COL6A5: variants seen among roughly 807,000 people sequenced by gnomAD.
COL6A5 encodes collagen alpha-5(VI) chain.
A neutral mutation model predicts 65.6 loss-of-function variants in COL6A5; 48 were observed. The observed-to-expected ratio is 0.73, with a 90% confidence interval of 0.58 to 0.93. The LOEUF is 0.93. Among genes scored for constraint, COL6A5 ranks in the 40% least tolerant of loss-of-function variants. COL6A5 has a pLI of 0.00. For synonymous variants in COL6A5, 291 were observed against 322.8 expected (o/e 0.90, Z 1.05); for missense variants, 914 against 928.3 (o/e 0.98, Z 0.20).
chr3:130,427,523 A>G (rs1276386919), upstream of COL6A5, among the ~76,000 whole-genome samples: 1 of 152,088 alleles, frequency 6.6e-6, no homozygotes, highest in Non-Finnish European at 1.5e-5. Context: ...AAGGGAAATC[A>G]ATTGGTTGGA....
chr3:130,391,529 A>G (rs1464798294), exon 7 of COL6A5: 2 of 1,551,602 alleles, frequency 1.3e-6, no homozygotes, highest in Non-Finnish European at 1.7e-6. Flanking sequence ...GCTGATTGTC[A>G]TCACCGATGG....
chr3:130,404,337 C>T (rs1037010379), intron 13 of COL6A5, among the ~76,000 whole-genome samples: 4 of 152,196 alleles, frequency 2.6e-5, no homozygotes, highest in African/African-American at 9.7e-5. Context: ...GGATTTCTAT[C>T]ACCTTAGATC....
In COL6A5 at chr3:130,405,583, C is replaced by T; in HGVS notation, c.4282-5C>T. On this transcript the variant is annotated splice_polypyrimidine_tract_variant and splice_region_variant and intron_variant and NMD_transcript_variant, in intron 13 of 41. Coordinates refer to the COL6A5 transcript ENST00000312481. The stretch of plus-strand genomic sequence containing the variant: ...TTGGGTACCTGTCTGTGCTCCTTTT[C>T]TTAGGGAGTACGAGGAGACACAGGA... 6.5e-7 allele frequency: 1 copy of T among 1,549,988 alleles called. No homozygotes were observed.
intron 6 of COL6A5, 109 bp from the exon 39 acceptor site, chr3:130,470,762 A>T: frequency 1.4e-6 from 1 of 738,146 alleles, no homozygotes. Context: ...TCCGTTATAA[A>T]AGTTGTTCTT....
At chr3:130,391,781 TG>T (rs1197382282) in intron 7 of COL6A5, 27 bp downstream of exon 7, 3 of 1,486,290 alleles carry the variant, frequency 2.0e-6, no homozygotes, top group African/African-American at 2.8e-5. Context: ...AAAGTTTCTA[TG>T]GGGGTAGCAA....
intron 1 of COL6A5, among the ~76,000 whole-genome samples, chr3:130,365,495 T>G (rs1313333101): frequency 6.6e-6 from 1 of 152,192 alleles, no homozygotes. Flanking sequence ...GCCGGGATGG[T>G]CTCGATCTCC....
chr3:130,456,529 C>T (rs1056340698), intron 5 of COL6A5, among the ~76,000 whole-genome samples: 8 of 151,998 alleles, frequency 5.3e-5, no homozygotes, highest in African/African-American at 1.7e-4. Context: ...CCCCGTTCTC[C>T]ATGATGTGAT....
At chr3:130,406,002 G>C in exon 15 of COL6A5, 1 of 1,551,440 alleles carries the variant, frequency 6.4e-7, no homozygotes. Context: ...GGGACTCAAA[G>C]GATTTTCTGG....
At chr3:130,371,290 C>A (rs945436436) in intron 1 of COL6A5, among the ~76,000 whole-genome samples, 18 of 151,742 alleles carry the variant, frequency 1.2e-4, no homozygotes, top group Admixed American at 6.6e-5. Context: ...AATCCAGATG[C>A]CTTTTCTTTT....
At chr3:130,484,232 G>A (rs1280967925) in exon 8 of COL6A5, 5 of 581,646 alleles carry the variant, frequency 8.6e-6, no homozygotes, top group Middle Eastern at 3.3e-4. Flanking sequence ...AAGAATTTTC[G>A]GAGTGAAGAC....
chr3:130,403,523 A>G, intron 12 of COL6A5, 86 bp from the exon 13 acceptor site: 1 of 1,142,196 alleles, frequency 8.8e-7, no homozygotes, highest in Admixed American at 2.2e-5. Context: ...GGAGGAAGGG[A>G]CTTGCTTAGA....
chr3:130,437,197 G>A (rs986332950), intron 1 of COL6A5, among the ~76,000 whole-genome samples: 1 of 151,956 alleles, frequency 6.6e-6, no homozygotes, highest in Non-Finnish European at 1.5e-5. Context: ...GTATACAAAA[G>A]TGCATATATG....
intron 8 of COL6A5, among the ~76,000 whole-genome samples, chr3:130,396,873 A>AT (rs960070778): frequency 2.6e-5 from 4 of 152,002 alleles, no homozygotes; most frequent in African/African-American, 9.7e-5. Flanking sequence ...TTTGTTTTTT[A>AT]TTTTTTTGAG....
chr3:130,394,920 TCC>T, exon 8 of COL6A5: 1 of 1,551,308 alleles, frequency 6.4e-7, no homozygotes, highest in Non-Finnish European at 8.7e-7. Context: ...GACGTGATTT[TCC>T]TTTGCGATGG....
At chr3:130,376,732 A>T (rs1013379929) in exon 3 of COL6A5, 9 of 1,613,534 alleles carry the variant, frequency 5.6e-6, no homozygotes, top group Non-Finnish European at 4.2e-6. Context: ...TTCCATTTCA[A>T]CCTTCGGACA....
At chr3:130,478,357 G>T (rs1229183885) in intron 7 of COL6A5, among the ~76,000 whole-genome samples, 3 of 152,072 alleles carry the variant, frequency 2.0e-5, no homozygotes, top group Admixed American at 6.6e-5. Context: ...ATGATCTTGA[G>T]AAGTCACCTG....
At chr3:130,410,262 C>A (rs1937132303) in intron 19 of COL6A5, among the ~76,000 whole-genome samples, 188 bp downstream of exon 19, 1 of 138,986 alleles carries the variant, frequency 7.2e-6, no homozygotes, top group Non-Finnish European at 1.6e-5. Context: ...AAGTTTCTGG[C>A]AAGTGATATT....
At chr3:130,359,196 G>A (rs549488488) in intron 1 of COL6A5, among the ~76,000 whole-genome samples, 5 of 152,102 alleles carry the variant, frequency 3.3e-5, no homozygotes, top group Admixed American at 6.5e-5. Context: ...CATTTAGGAA[G>A]AATATTTGAG....
rs145940212 is a variant in COL6A5 at position 130,396,677 on chromosome 3, T to C, written c.3569-906T>C. Among the ~76,000 whole-genome samples the C allele has an allele frequency of 1.3e-4, 20 of 152,290 alleles. 1 individual carries two copies. In the East Asian group the frequency reaches 3.9e-3, roughly 29 times the overall value. On this transcript the variant is annotated intron_variant and NMD_transcript_variant, in intron 8 of 41. Coordinates refer to the COL6A5 transcript ENST00000312481. ...ACAACACTAGGCCCCATTTTCCACA[T>C]AGCTACTCTCAGCTGGAACTGAACA...
Sources: allele counts gnomAD v4.1 joint callset (sites outside exome capture counted in the v4.1 genomes callset), GRCh38; gene constraint gnomAD v4.1.1; transcripts MANE v1.5; gene names NCBI Gene and HGNC (gene_info 2026-07-23, HGNC 2026-07-21).